ACOT7: variants seen among roughly 807,000 people sequenced by gnomAD.
ACOT7 encodes the protein acyl-CoA thioesterase 7.
Under a neutral mutation model 40.2 loss-of-function variants are expected in ACOT7, and 12 were observed. The observed-to-expected ratio is 0.30, with a 90% confidence interval of 0.19 to 0.48. The LOEUF is 0.48. ACOT7 is among the 20% of genes least tolerant of loss of function. The pLI, the probability that ACOT7 is intolerant of heterozygous loss-of-function variation, is 0.99. For synonymous variants in ACOT7, 228 were observed against 219.5 expected, an observed-to-expected ratio of 1.04 and a Z score of -0.34; for missense variants, 395 against 530.8, an observed-to-expected ratio of 0.74 and a Z score of 2.51.
intron 1 of ACOT7, among the ~76,000 whole-genome samples, chr1:6,387,211 G>A (rs1047338011): frequency 2.0e-5 from 3 of 151,550 alleles, no homozygotes; most frequent in Non-Finnish European, 2.9e-5. Flanking sequence ...GGAAATATTC[G>A]ACATCACAAC....
At chr1:6,380,362 G>A (rs1451937269) in intron 1 of ACOT7, among the ~76,000 whole-genome samples, 2 of 151,556 alleles carry the variant, frequency 1.3e-5, no homozygotes, top group African/African-American at 4.8e-5. Context: ...CATGTTGGGA[G>A]GCTGAGGTGG....
intron 4 of ACOT7, among the ~76,000 whole-genome samples, chr1:6,332,322 C>A (rs986545864): frequency 6.6e-6 from 1 of 152,202 alleles, no homozygotes; most frequent in African/African-American, 2.4e-5. Flanking sequence ...GCGGGAGGAG[C>A]TGGTCACATC....
chr1:6,322,601 T>C (rs910748407), intron 5 of ACOT7, among the ~76,000 whole-genome samples: 1 of 152,252 alleles, frequency 6.6e-6, no homozygotes, highest in Admixed American at 6.5e-5. Context: ...GGCTTGTAGA[T>C]GCCGCCTTCC....
intron 6 of ACOT7, among the ~76,000 whole-genome samples, chr1:6,298,935 C>T (rs1292685458): frequency 2.0e-5 from 3 of 152,236 alleles, no homozygotes. Flanking sequence ...TAACCACACC[C>T]ACCTGTGAGT....
In ACOT7 at chr1:6,287,519, T is replaced by C. The variant is rs78803201; in HGVS notation, c.830-6233A>G. Reference sequence around the variant, plus strand: ...ACAATGCCTGGCATCAAGTGTGTCATATTAGGTACAGTTAAACGTATCGGT... The same window carrying C: ...ACAATGCCTGGCATCAAGTGTGTCACATTAGGTACAGTTAAACGTATCGGT... On this transcript the variant is annotated intron_variant, in intron 7 of 8. Transcript: ENST00000361521. Among the ~76,000 whole-genome samples, 687 of 152,340 alleles carry C rather than the reference T, an allele frequency of 4.5e-3. 9 individuals carry two copies. Among genetic ancestry groups the C allele is most frequent in the African/African-American group, 0.016 (646 of 41,576 alleles).
At chr1:6,393,168 G>T in intron 1 of ACOT7, 89 bp downstream of exon 1, 1 of 1,187,350 alleles carries the variant, frequency 8.4e-7, no homozygotes, top group Non-Finnish European at 1.0e-6. Context: ...CGGCCTCGGC[G>T]GGTGGGGACC....
chr1:6,333,666 A>G (rs1641022709), intron 3 of ACOT7, 98 bp from the exon 4 acceptor site: 1 of 1,184,120 alleles, frequency 8.4e-7, no homozygotes, highest in Non-Finnish European at 1.2e-6. Context: ...GCCCGGTCCC[A>G]GTACCTGAAA....
rs146476044 is a variant in ACOT7, at chr1:6,349,836, G to C, written c.174C>G (p.Ala58=). 4 of 1,614,128 alleles carry C rather than the reference G, an allele frequency of 2.5e-6. No individual in the cohort carries two copies. Among genetic ancestry groups the C allele is most frequent in the Non-Finnish European group, 3.4e-6 (4 of 1,180,040 alleles). The change falls in exon 2 of 9, where the codon GCC becomes GCG. Residue 58 remains alanine (A), a synonymous_variant. Coordinates refer to ENST00000361521, the MANE Select transcript of ACOT7 (RefSeq NM_007274.4). ...RIMRPDDANV[A]GNVHGGTILK... ...GGATGGTCCCCCCGTGGACATTGCC[G>C]GCCACGTTGGCATCATCTGGCCGCA...
chr1:6,300,960 G>C (rs943408876), intron 6 of ACOT7, among the ~76,000 whole-genome samples: 1 of 152,216 alleles, frequency 6.6e-6, no homozygotes, highest in African/African-American at 2.4e-5. Context: ...CACCACTAGG[G>C]GTAGGATGGG....
chr1:6,390,944 A>C (rs148969255), intron 1 of ACOT7, among the ~76,000 whole-genome samples: 2,662 of 152,132 alleles, frequency 0.017, 28 homozygotes, highest in Middle Eastern at 0.037. Flanking sequence ...AAAAACAAAC[A>C]AACAAACAAA....
At chr1:6,290,867 T>TG (rs1179779189) in intron 7 of ACOT7, among the ~76,000 whole-genome samples, 1 of 152,208 alleles carries the variant, frequency 6.6e-6, no homozygotes, top group East Asian at 1.9e-4. Flanking sequence ...GCTAGCCCCT[T>TG]GCCAGCTGTA....
rs1212601774 is a variant in ACOT7 at position 6,359,676 on chromosome 1, G to A, written c.144-9810C>T. On this transcript the variant is annotated intron_variant, in intron 1 of 8. Coordinates refer to ENST00000361521, the MANE Select transcript of ACOT7 (RefSeq NM_007274.4). The surrounding 1 kb of genome is among the most constrained non-coding windows in gnomAD (Gnocchi z 4.1). The stretch of plus-strand genomic sequence containing the variant: ...AGGCCAAACAATCACAGCGGCCAGG[G>A]TGCAGGCTACAGGAGGCCCAGTGCA... Among the ~76,000 whole-genome samples the A allele has an allele frequency of 6.6e-6, 1 of 152,216 alleles. No homozygotes were observed. The highest frequency in any genetic ancestry group is 1.9e-4 in the East Asian group (1 of 5,192).
rs1227856416 is a variant in ACOT7, at chr1:6,359,639, GAAGA to G, written c.144-9777_144-9774del. 2.6e-5 allele frequency among the ~76,000 whole-genome samples: 4 copies of G among 152,342 alleles called. No individual in the cohort carries two copies. In the South Asian group the frequency reaches 6.2e-4, roughly 24 times the overall value. On this transcript the variant is annotated intron_variant, in intron 1 of 8. Transcript: ENST00000361521. This position sits in a 1 kb window ranked among gnomAD's most constrained non-coding sequence, Gnocchi z 4.1. The stretch of plus-strand genomic sequence containing the variant: ...CGCCTCCCCTTCTACTGGGTGTCAG[GAAGA>G]AAGAAAGAGGCCAAACAATCACAGC...
At chr1:6,342,946 G>A (rs1641314760) in intron 2 of ACOT7, among the ~76,000 whole-genome samples, 1 of 139,258 alleles carries the variant, frequency 7.2e-6, no homozygotes, top group Non-Finnish European at 1.6e-5. Flanking sequence ...ATGACCTTGT[G>A]TTTGAGCCAT....
At chr1:6,272,864 C>T (rs60137075) in intron 8 of ACOT7, among the ~76,000 whole-genome samples, 1,817 of 152,348 alleles carry the variant, frequency 0.012, 35 homozygotes, top group African/African-American at 0.042. Context: ...CCTCGGTTCA[C>T]TGAATCCTCT....
At chr1:6,385,829 C>T (rs1642430749) in intron 1 of ACOT7, 1 of 1,402,036 alleles carries the variant, frequency 7.1e-7, no homozygotes, top group Non-Finnish European at 9.2e-7. Flanking sequence ...CCCCCACCAG[C>T]CCCCGGCAAG....
At chr1:6,364,369 C>T (rs961311129) in intron 1 of ACOT7, among the ~76,000 whole-genome samples, 6 of 150,780 alleles carry the variant, frequency 4.0e-5, no homozygotes, top group African/African-American at 1.5e-4. Context: ...TGGAAAAACC[C>T]CATCTCTACT....
chr1:6,368,057 T>C (rs532906347), intron 1 of ACOT7, among the ~76,000 whole-genome samples: 1 of 152,130 alleles, frequency 6.6e-6, no homozygotes, highest in African/African-American at 2.4e-5. Flanking sequence ...GGCCTCAGAG[T>C]GGAGGAAGTG....
At chr1:6,304,685 A>C (rs1264165050) in intron 6 of ACOT7, among the ~76,000 whole-genome samples, 1 of 132,654 alleles carries the variant, frequency 7.5e-6, no homozygotes, top group Non-Finnish European at 1.6e-5. Context: ...GACACAGCAC[A>C]TGTTTCAGAG....
Sources: allele counts gnomAD v4.1 joint callset (sites outside exome capture counted in the v4.1 genomes callset), GRCh38; gene constraint gnomAD v4.1.1; non-coding constraint Gnocchi (gnomAD v3.1); transcripts MANE v1.5; gene names NCBI Gene and HGNC (gene_info 2026-07-23, HGNC 2026-07-21).